Variants in CLIC2 observed in about 807,000 individuals in gnomAD.
The protein encoded by CLIC2 is CLIC family member 2.
CLIC2 carries 9 observed loss-of-function variants against 14.8 expected under a neutral mutation model. The ratio of observed to expected loss-of-function variants is 0.61; its 90% CI spans 0.37 to 1.06. CLIC2 has a LOEUF of 1.06. Among genes scored for constraint, CLIC2 ranks in the 50% least tolerant of loss-of-function variants. The pLI is 0.01. For missense variants in CLIC2, 148 were observed against 181.4 expected (o/e 0.82, Z 1.06); for synonymous variants, 61 against 66.3 (o/e 0.92, Z 0.39).
chrX:155,305,199 T>G (rs1486564727), intron 1 of CLIC2, among the ~76,000 whole-genome samples: 2 of 112,118 alleles, frequency 1.8e-5, no homozygotes, highest in African/African-American at 3.2e-5. Flanking sequence ...CCTTGCAGTT[T>G]GATCTCAGAC....
intron 3 of CLIC2, among the ~76,000 whole-genome samples, chrX:155,281,349 G>T (rs935502224): frequency 3.6e-5 from 4 of 109,679 alleles, no homozygotes; most frequent in Non-Finnish European, 5.7e-5. Context: ...TAGATTTTAG[G>T]TGCTCTTACC....
At chrX:155,325,594 G>A (rs920615784) in intron 1 of CLIC2, among the ~76,000 whole-genome samples, 1 of 106,321 alleles carries the variant, frequency 9.4e-6, no homozygotes, top group Admixed American at 1.0e-4. Context: ...GTTGCGGAGT[G>A]GGGGGAAATG....
At chrX:155,281,846 TTA>T (rs1557316526) in intron 3 of CLIC2, among the ~76,000 whole-genome samples, 5 of 111,221 alleles carry the variant, frequency 4.5e-5, no homozygotes, top group Non-Finnish European at 9.4e-5. Context: ...CATCTCAGAG[TTA>T]GAGCCCAAGT....
intron 1 of CLIC2, among the ~76,000 whole-genome samples, chrX:155,310,894 C>G (rs1263029044): frequency 8.9e-6 from 1 of 112,766 alleles, no homozygotes; most frequent in African/African-American, 3.2e-5. Context: ...CTTGCATGCT[C>G]TGTAGCCACA....
intron 1 of CLIC2, among the ~76,000 whole-genome samples, chrX:155,334,112 T>C (rs2075166199): frequency 9.0e-6 from 1 of 111,490 alleles, no homozygotes; most frequent in African/African-American, 3.3e-5. Context: ...CCATTAAGAA[T>C]ATAATTTAGT....
At chrX:155,290,383 G>A (rs374910179) in intron 3 of CLIC2, 13 of 449,039 alleles carry the variant, frequency 2.9e-5, no homozygotes, top group African/African-American at 9.7e-5. Context: ...ATTTTCCGCT[G>A]GGCCCCTAAT....
intron 3 of CLIC2, among the ~76,000 whole-genome samples, chrX:155,280,402 T>C (rs782068283): frequency 2.0e-4 from 22 of 111,960 alleles, no homozygotes; most frequent in Non-Finnish European, 3.6e-4. Flanking sequence ...AGTAGAAAAA[T>C]ATGGTTTTGG....
At chrX:155,319,141 T>A (rs1254601073) in intron 1 of CLIC2, among the ~76,000 whole-genome samples, 1 of 111,934 alleles carries the variant, frequency 8.9e-6, no homozygotes, top group Non-Finnish European at 1.9e-5. Context: ...CTTCTAGACA[T>A]TGGTTTAGGC....
At chrX:155,294,848 G>A (rs904031917) in intron 3 of CLIC2, among the ~76,000 whole-genome samples, 8 of 111,557 alleles carry the variant, frequency 7.2e-5, no homozygotes, top group Non-Finnish European at 1.5e-4. Flanking sequence ...AACATGAACA[G>A]ACCAATAATG....
chrX:155,312,328 A>C (rs1361582569), intron 1 of CLIC2, among the ~76,000 whole-genome samples: 1 of 111,272 alleles, frequency 9.0e-6, no homozygotes, highest in Non-Finnish European at 1.9e-5. Flanking sequence ...ACCCATCTTG[A>C]GTTTATTTTT....
chrX:155,279,162 A>T lies in CLIC2; in HGVS notation c.569T>A (p.Leu190Gln), dbSNP rs1557316126. 1.7e-6 allele frequency: 2 copies of T among 1,210,752 alleles called. No homozygotes were observed. Among genetic ancestry groups the T allele is most frequent in the Non-Finnish European group, 2.2e-6 (2 of 894,757 alleles). ...ATAAAGACTTACTTTAATAATGTTC[A>T]GCTTGGGTAACAAGCTACAATCAGC... ...TLADCSLLPK[L>Q]NIIKVAAKKY... Residue 190 changes from leucine (L) to glutamine (Q), a missense_variant, in exon 5 of 6, where the codon CTG becomes CAG. By Grantham distance (113) the Leu-to-Gln change is moderately radical. Coordinates refer to ENST00000369449, the MANE Select transcript of CLIC2 (RefSeq NM_001289.6).
At chrX:155,282,057 C>A (rs1473755615) in intron 3 of CLIC2, among the ~76,000 whole-genome samples, 1 of 111,325 alleles carries the variant, frequency 9.0e-6, no homozygotes, top group African/African-American at 3.3e-5. Context: ...CCTCTCTTCT[C>A]TCATATCCCT....
At chrX:155,278,423 T>C (rs2074906376) in intron 5 of CLIC2, among the ~76,000 whole-genome samples, 1 of 111,858 alleles carries the variant, frequency 8.9e-6, no homozygotes, top group Non-Finnish European at 1.9e-5. Context: ...ACTCAAAGAG[T>C]AAATTCTGTG....
At chrX:155,316,146 G>A (rs1475755615) in intron 1 of CLIC2, among the ~76,000 whole-genome samples, 9 of 111,561 alleles carry the variant, frequency 8.1e-5, no homozygotes, top group Admixed American at 1.9e-4. Context: ...AAATGAGATA[G>A]ATGGTAACAC....
intron 1 of CLIC2, among the ~76,000 whole-genome samples, chrX:155,316,590 C>T (rs1258970310): frequency 2.7e-5 from 3 of 110,857 alleles, no homozygotes; most frequent in Non-Finnish European, 5.7e-5. Flanking sequence ...CTTATCAAAA[C>T]CTCTGGGATA....
In CLIC2 at chrX:155,279,311, G is replaced by A; in HGVS notation, c.420C>T (p.Leu140=). 2 of 1,207,566 alleles carry A rather than the reference G, an allele frequency of 1.7e-6. No homozygotes were observed. The highest frequency in any genetic ancestry group is 1.7e-5 in the African/African-American group (1 of 57,743). The change falls in exon 5 of 6, where the codon CTC becomes CTT. Residue 140 remains leucine, a synonymous_variant. Transcript: ENST00000369449. Reference sequence around the variant, plus strand: ...AGTCATCCAGACGCTTGAATTCTTTGAGCAGAGATTTTTCAAAATCTGAGG... The same window carrying A: ...AGTCATCCAGACGCTTGAATTCTTTAAGCAGAGATTTTTCAAAATCTGAGG... ...EANKNFEKSL[L]KEFKRLDDYL...
chrX:155,297,130 T>C (rs1291927252), intron 3 of CLIC2, among the ~76,000 whole-genome samples: 1 of 111,955 alleles, frequency 8.9e-6, no homozygotes, highest in East Asian at 2.8e-4. Context: ...TATTCAGCCA[T>C]AAAAGAGAAT....
intron 1 of CLIC2, among the ~76,000 whole-genome samples, chrX:155,302,627 G>C (rs377127484): frequency 3.0e-5 from 2 of 66,402 alleles, no homozygotes; most frequent in Non-Finnish European, 6.1e-5. Flanking sequence ...GCTAGCTTTT[G>C]AATGTGTTTG....
intron 3 of CLIC2, among the ~76,000 whole-genome samples, chrX:155,295,266 A>G (rs192324546): frequency 1.5e-3 from 168 of 111,785 alleles, no homozygotes; most frequent in African/African-American, 5.2e-3. Flanking sequence ...AGGACAAAAA[A>G]CATATCATCA....
Sources: allele counts gnomAD v4.1 joint callset (sites outside exome capture counted in the v4.1 genomes callset), GRCh38; gene constraint gnomAD v4.1.1; transcripts MANE v1.5; gene names NCBI Gene and HGNC (gene_info 2026-07-23, HGNC 2026-07-21).